The following PALM2AKAP2 variants were observed in gnomAD, a reference collection of about 807,000 sequenced individuals.
The protein encoded by PALM2AKAP2 is PALM2 and AKAP2 fusion, also known as PALM2-AKAP2 fusion protein.
PALM2AKAP2 carries 37 observed loss-of-function variants against 71.5 expected under a neutral mutation model. The ratio of observed to expected loss-of-function variants is 0.52; its 90% CI spans 0.40 to 0.68. PALM2AKAP2 has a LOEUF of 0.68. PALM2AKAP2 is among the 30% of genes least tolerant of loss of function. PALM2AKAP2 has a pLI of 0.00. For synonymous variants in PALM2AKAP2, 468 were observed against 478.8 expected (o/e 0.98, Z 0.29); for missense variants, 1,224 against 1,191.8 (o/e 1.03, Z -0.40).
At chr9:109,706,857 A>C (rs1248244625) in intron 1 of PALM2AKAP2, among the ~76,000 whole-genome samples, 1 of 152,226 alleles carries the variant, frequency 6.6e-6, no homozygotes, top group African/African-American at 2.4e-5. Context: ...GAATAAGTAA[A>C]TCTAGAGAGG....
At chr9:109,738,413 G>T (rs1828669627) in intron 1 of PALM2AKAP2, among the ~76,000 whole-genome samples, 2 of 152,156 alleles carry the variant, frequency 1.3e-5, no homozygotes, top group Admixed American at 1.3e-4. Flanking sequence ...TTTATTCATA[G>T]AATAATGATT....
At chr9:109,892,216 T>A (rs373173648) in intron 3 of PALM2AKAP2, among the ~76,000 whole-genome samples, 3 of 152,174 alleles carry the variant, frequency 2.0e-5, no homozygotes, top group African/African-American at 7.2e-5. Context: ...TCCTTGCCTC[T>A]CTCAGCTTAG....
intron 6 of PALM2AKAP2, among the ~76,000 whole-genome samples, chr9:109,968,572 A>G (rs1939710594): frequency 6.6e-6 from 1 of 152,162 alleles, no homozygotes; most frequent in South Asian, 2.1e-4. Context: ...ATTGCACCCT[A>G]CAAAGGGAGG....
chr9:109,901,117 A>G (rs1011356369), intron 3 of PALM2AKAP2, among the ~76,000 whole-genome samples: 1 of 152,176 alleles, frequency 6.6e-6, no homozygotes, highest in Non-Finnish European at 1.5e-5. Flanking sequence ...ACCTCAGTGA[A>G]GATTTGGCCC....
intron 1 of PALM2AKAP2, among the ~76,000 whole-genome samples, chr9:109,809,126 G>A (rs927033303): frequency 4.6e-5 from 7 of 152,220 alleles, no homozygotes; most frequent in Non-Finnish European, 1.0e-4. Flanking sequence ...TCCACACAGT[G>A]TCCCCACTAG....
At chr9:109,813,410 C>G (rs1250300101) in intron 1 of PALM2AKAP2, among the ~76,000 whole-genome samples, 1 of 132,738 alleles carries the variant, frequency 7.5e-6, no homozygotes, top group African/African-American at 2.5e-5. Flanking sequence ...TGCCAACAAT[C>G]TGTAACGGCC....
intron 7 of PALM2AKAP2, among the ~76,000 whole-genome samples, chr9:110,016,976 T>C (rs1217229416): frequency 6.6e-6 from 1 of 152,024 alleles, no homozygotes; most frequent in Non-Finnish European, 1.5e-5. Flanking sequence ...GCCTCCCGGG[T>C]TCATGCCATT....
chr9:109,907,514 T>C (rs1830475831), intron 3 of PALM2AKAP2, among the ~76,000 whole-genome samples: 1 of 152,208 alleles, frequency 6.6e-6, no homozygotes. Flanking sequence ...GAGCCGAGTA[T>C]ACCTTGACCC....
chr9:109,703,929 A>G (rs1732652018), intron 1 of PALM2AKAP2, among the ~76,000 whole-genome samples: 1 of 152,182 alleles, frequency 6.6e-6, no homozygotes, highest in African/African-American at 2.4e-5. Context: ...AAAAATTAAG[A>G]GGTCTTTCAT....
At chr9:110,107,492 ACTTT>A (rs1218912515) in intron 1 of PALM2AKAP2, among the ~76,000 whole-genome samples, 12 of 152,248 alleles carry the variant, frequency 7.9e-5, no homozygotes, top group African/African-American at 2.9e-4. Context: ...AGTATCTTTT[ACTTT>A]CTTTAAGAAT....
intron 1 of PALM2AKAP2, among the ~76,000 whole-genome samples, chr9:110,077,280 A>G (rs1041671287): frequency 5.3e-5 from 8 of 152,246 alleles, no homozygotes; most frequent in Non-Finnish European, 1.0e-4. Flanking sequence ...ATGAAATACA[A>G]TAACAAATAG....
intron 3 of PALM2AKAP2, among the ~76,000 whole-genome samples, chr9:109,905,500 C>T (rs370414268): frequency 1.6e-4 from 25 of 152,244 alleles, no homozygotes; most frequent in African/African-American, 4.1e-4. Flanking sequence ...GAGAATGCAA[C>T]GACTGTGCCC....
chr9:110,054,039 C>T (rs1833776634), intron 1 of PALM2AKAP2, among the ~76,000 whole-genome samples: 1 of 152,248 alleles, frequency 6.6e-6, no homozygotes, highest in South Asian at 2.1e-4. Context: ...CCTAGTGCCT[C>T]AGCCAAGTTC....
chr9:109,864,786 TCCAC>T (rs1290033021), intron 1 of PALM2AKAP2, among the ~76,000 whole-genome samples: 1 of 152,200 alleles, frequency 6.6e-6, no homozygotes, highest in African/African-American at 2.4e-5. Flanking sequence ...CCCCTATTAA[TCCAC>T]CTTATGTATG....
chr9:110,051,511 C>T (rs2132505292), intron 1 of PALM2AKAP2, among the ~76,000 whole-genome samples: 1 of 152,160 alleles, frequency 6.6e-6, no homozygotes, highest in Admixed American at 6.5e-5. Context: ...CTTAAAATAC[C>T]CATGTCCCAG....
At chr9:110,118,655 A>G (rs993282887) in intron 1 of PALM2AKAP2, among the ~76,000 whole-genome samples, 2 of 152,058 alleles carry the variant, frequency 1.3e-5, no homozygotes, top group African/African-American at 4.8e-5. Context: ...GTATTTTTTA[A>G]ATGCTTACTT....
chr9:109,853,774 C>T (rs1016228495), intron 1 of PALM2AKAP2, among the ~76,000 whole-genome samples: 7 of 152,180 alleles, frequency 4.6e-5, no homozygotes, highest in Non-Finnish European at 7.3e-5. Flanking sequence ...GTCAGTTTCC[C>T]CTCACTATAC....
intron 3 of PALM2AKAP2, among the ~76,000 whole-genome samples, chr9:109,888,019 G>C (rs189201152): frequency 6.6e-6 from 1 of 152,188 alleles, no homozygotes; most frequent in Non-Finnish European, 1.5e-5. Context: ...TGGTCATCAT[G>C]ATGGTGAGAC....
chr9:109,753,976 C>T (rs940802249), intron 1 of PALM2AKAP2, among the ~76,000 whole-genome samples: 16 of 152,124 alleles, frequency 1.1e-4, no homozygotes, highest in African/African-American at 3.9e-4. Context: ...ACTGTCAACA[C>T]CTTGGCATAT....
Sources: gnomAD v4.1 joint callset for allele counts (sites outside exome capture counted in the v4.1 genomes callset) on GRCh38, gnomAD v4.1.1 for gene constraint, MANE v1.5 for transcripts, NCBI Gene and HGNC (gene_info 2026-07-23, HGNC 2026-07-21) for gene names.